Variants in USH2A observed in about 807,000 individuals in gnomAD.
USH2A encodes the protein usherin.
A neutral mutation model predicts 538.9 loss-of-function variants in USH2A; 443 were observed. The ratio of observed to expected loss-of-function variants is 0.82; its 90% CI spans 0.76 to 0.89. The LOEUF is 0.89. Among genes scored for constraint, USH2A ranks in the 40% least tolerant of loss-of-function variants. The pLI is 0.00. For synonymous variants in USH2A, 2,413 were observed against 2,273.5 expected (o/e 1.06, Z -1.75); for missense variants, 6,633 against 6,324.8 (o/e 1.05, Z -1.65).
At chr1:216,216,892 C>A (rs1012048968) in intron 15 of USH2A, among the ~76,000 whole-genome samples, 2 of 151,904 alleles carry the variant, frequency 1.3e-5, no homozygotes, top group Admixed American at 6.6e-5. Context: ...CTAATTATTA[C>A]AATATCGATA....
At chr1:215,657,927 ATTT>A (rs59977028) in intron 64 of USH2A, among the ~76,000 whole-genome samples, 25 of 97,736 alleles carry the variant, frequency 2.6e-4, no homozygotes, top group Non-Finnish European at 2.2e-4. Flanking sequence ...ATTTGCCCTG[ATTT>A]TTTTTTTTTT....
At chr1:215,917,300 G>A (rs1204955459) in intron 38 of USH2A, among the ~76,000 whole-genome samples, 3 of 151,912 alleles carry the variant, frequency 2.0e-5, no homozygotes, top group Admixed American at 6.6e-5. Context: ...TTTTGAATAC[G>A]ATCATATTCA....
intron 3 of USH2A, among the ~76,000 whole-genome samples, chr1:216,396,542 C>A (rs2039216762): frequency 6.6e-6 from 1 of 152,020 alleles, no homozygotes; most frequent in East Asian, 1.9e-4. Context: ...AGAATTTATC[C>A]TTGGTATTTA....
In USH2A at chr1:215,647,691, TGA is replaced by T; in HGVS notation, c.14620_14621del (p.Ala4875ProfsTer78). On this transcript the variant is annotated frameshift_variant, in exon 67 of 72. Coordinates refer to ENST00000307340, the MANE Select transcript of USH2A (RefSeq NM_206933.4). LOFTEE classifies it high-confidence loss of function. ...TTTGGCTGGGAGTACAGGGGAGGGCTGAGTCAGGAGGGCAAGCCACGTGGAAT... is the reference window on the plus strand; with the variant it reads ...TTTGGCTGGGAGTACAGGGGAGGGCTGTCAGGAGGGCAAGCCACGTGGAAT... Reference protein sequence around the residue: ...LQFHVACPPDSALPCTPSQIE... With the variant: ...LQFHVACPPDXALPCTPSQIE... The T allele has an allele frequency of 6.2e-7, 1 of 1,614,180 alleles. No individual in the cohort carries two copies. Among genetic ancestry groups the T allele is most frequent in the Non-Finnish European group, 8.5e-7 (1 of 1,180,038 alleles).
Position 216,383,846 on chromosome 1 carries a change from T to TTTTC in USH2A, c.652-18765_652-18762dup, listed in dbSNP as rs200269704. 4.5e-3 allele frequency among the ~76,000 whole-genome samples: 666 copies of TTTTC among 148,974 alleles called. 8 individuals carry two copies. Among genetic ancestry groups the TTTTC allele is most frequent in the African/African-American group, 0.015 (593 of 39,046 alleles). On this transcript the variant is annotated intron_variant, in intron 3 of 71. Transcript: ENST00000307340. ...TGCACCACCATGCCTGGCTAATTTTTTTTCTTTCTTTCTTTCTTTCTTTTT... is the reference window on the plus strand; with the variant it reads ...TGCACCACCATGCCTGGCTAATTTTTTTTCTTTCTTTCTTTCTTTCTTTCTTTTT...
chr1:215,656,696 T>C (rs1031831904), intron 64 of USH2A, among the ~76,000 whole-genome samples: 3 of 152,180 alleles, frequency 2.0e-5, no homozygotes, highest in African/African-American at 7.2e-5. Flanking sequence ...GGGAAGAATA[T>C]CTGAGCTCTC....
intron 47 of USH2A, among the ~76,000 whole-genome samples, chr1:215,834,811 CTT>C (rs1411305669): frequency 6.7e-6 from 1 of 148,844 alleles, no homozygotes. Flanking sequence ...CTTTGATTCT[CTT>C]TTGAAGCTCT....
intron 55 of USH2A, among the ~76,000 whole-genome samples, chr1:215,771,566 C>T (rs1167268879): frequency 5.4e-5 from 5 of 92,526 alleles, no homozygotes; most frequent in East Asian, 3.4e-4. Flanking sequence ...GGCGACAGAG[C>T]GAGACTCCGT....
intron 40 of USH2A, among the ~76,000 whole-genome samples, chr1:215,899,690 T>G (rs540691337): frequency 6.6e-6 from 1 of 152,260 alleles, no homozygotes; most frequent in Non-Finnish European, 1.5e-5. Flanking sequence ...AGCAGCCTCA[T>G]GAAGTAAGGT....
intron 21 of USH2A, among the ~76,000 whole-genome samples, chr1:216,169,896 A>G (rs2034245158): frequency 6.6e-6 from 1 of 152,032 alleles, no homozygotes; most frequent in Non-Finnish European, 1.5e-5. Context: ...GTTAGGTAAA[A>G]TTTGTGATTT....
chr1:216,200,010 G>T lies in USH2A; in HGVS notation c.3428C>A (p.Thr1143Lys). Residue 1143 changes from threonine to lysine, a missense_variant, in exon 17 of 72, where the codon ACA becomes AAA. Physicochemically the swap from Thr to Lys is moderately conservative, Grantham distance 78. Coordinates refer to ENST00000307340, the MANE Select transcript of USH2A (RefSeq NM_206933.4). Reference sequence around the variant, plus strand: ...GTTTCCCTCTGGGACCCCTGGTTTTGTCTTGTAAGTGACAGCTACACTCCT... The same window carrying T: ...GTTTCCCTCTGGGACCCCTGGTTTTTTCTTGTAAGTGACAGCTACACTCCT... ...STRSVAVTYKTKPGVPEGNLT... is the reference protein window; with the variant it reads ...STRSVAVTYKKKPGVPEGNLT... 6.2e-7 allele frequency: 1 copy of T among 1,614,006 alleles called. No homozygotes were observed. The highest frequency in any genetic ancestry group is 2.2e-5 in the East Asian group (1 of 44,860).
chr1:215,700,716 A>G (rs1379914736), intron 61 of USH2A, among the ~76,000 whole-genome samples: 1 of 151,738 alleles, frequency 6.6e-6, no homozygotes, highest in African/African-American at 2.4e-5. Flanking sequence ...TTATTAGTCT[A>G]GCTAGCAGTC....
intron 16 of USH2A, among the ~76,000 whole-genome samples, chr1:216,205,779 T>C (rs2035099360): frequency 6.6e-6 from 1 of 152,164 alleles, no homozygotes; most frequent in Non-Finnish European, 1.5e-5. Context: ...CTTAAACTAG[T>C]GTGTAGCTAA....
At chr1:215,649,056 T>A (rs1656960225) in intron 65 of USH2A, among the ~76,000 whole-genome samples, 1 of 152,178 alleles carries the variant, frequency 6.6e-6, no homozygotes, top group African/African-American at 2.4e-5. Context: ...TAGAAAGGTA[T>A]TAGAAAATGG....
chr1:215,700,156 C>T (rs933073089), intron 61 of USH2A, among the ~76,000 whole-genome samples: 1 of 152,190 alleles, frequency 6.6e-6, no homozygotes, highest in Non-Finnish European at 1.5e-5. Flanking sequence ...AGGGATGAAG[C>T]TGACCCGATC....
At position 216,098,499 on chromosome 1, in the gene USH2A, A is replaced by T. The variant is rs1343495271; in HGVS notation, c.4628-1286T>A. Among the ~76,000 whole-genome samples, 3 of 152,212 alleles carry T rather than the reference A, an allele frequency of 2.0e-5. No homozygotes were observed. The East Asian group carries it at 5.8e-4, about 29-fold the overall frequency. On this transcript the variant is annotated intron_variant, in intron 21 of 71. Coordinates refer to ENST00000307340, the MANE Select transcript of USH2A (RefSeq NM_206933.4). ...CTGGGCTGGTAACCAAAAGCCCTACATAGGTGGGTGGTGGTTAACTCAGTT... is the reference window on the plus strand; with the variant it reads ...CTGGGCTGGTAACCAAAAGCCCTACTTAGGTGGGTGGTGGTTAACTCAGTT...
At chr1:216,129,607 G>A (rs1414849973) in intron 21 of USH2A, among the ~76,000 whole-genome samples, 1 of 151,902 alleles carries the variant, frequency 6.6e-6, no homozygotes, top group Non-Finnish European at 1.5e-5. Flanking sequence ...AAAAGAATCA[G>A]TAACTGCTAA....
intron 47 of USH2A, among the ~76,000 whole-genome samples, chr1:215,836,467 T>A (rs1663490721): frequency 1.2e-4 from 1 of 8,362 alleles, no homozygotes; most frequent in East Asian, 2.2e-3. Flanking sequence ...ATATATATTA[T>A]ATATATATAT....
intron 37 of USH2A, among the ~76,000 whole-genome samples, chr1:215,955,793 G>C (rs1004805614): frequency 6.6e-6 from 1 of 152,142 alleles, no homozygotes; most frequent in Admixed American, 6.5e-5. Context: ...TATGTTTGAT[G>C]TGGGCTGTTC....
Sources: gnomAD v4.1 joint callset for allele counts (sites outside exome capture counted in the v4.1 genomes callset) on GRCh38, gnomAD v4.1.1 for gene constraint, MANE v1.5 for transcripts, NCBI Gene and HGNC (gene_info 2026-07-23, HGNC 2026-07-21) for gene names.